Variants in RAD51B observed in about 807,000 individuals in gnomAD.
RAD51B encodes the protein RAD51 paralog B.
A neutral mutation model predicts 42.2 loss-of-function variants in RAD51B; 38 were observed. The ratio of observed to expected loss-of-function variants is 0.90; its 90% confidence interval spans 0.70 to 1.18. The LOEUF (loss-of-function observed/expected upper bound fraction) is 1.18, where lower values mean the gene tolerates loss of function less well. Among genes scored for constraint, RAD51B ranks in the 50% most tolerant of loss-of-function variants. The pLI, the probability that RAD51B is intolerant of heterozygous loss-of-function variation, is 0.00. For missense variants in RAD51B, 373 were observed against 400.7 expected (o/e 0.93, Z 0.59); for synonymous variants, 154 against 145.2 (o/e 1.06, Z -0.43).
intron 7 of RAD51B, among the ~76,000 whole-genome samples, chr14:68,025,167 G>C (rs1432348159): frequency 1.3e-5 from 2 of 151,914 alleles, no homozygotes; most frequent in Non-Finnish European, 2.9e-5. Context: ...CATATGTTGA[G>C]CTAGCCTTGC....
At chr14:68,446,427 C>G (rs897077666) in intron 9 of RAD51B, among the ~76,000 whole-genome samples, 1 of 152,166 alleles carries the variant, frequency 6.6e-6, no homozygotes, top group Non-Finnish European at 1.5e-5. Context: ...TGTAAGGAAA[C>G]ATGCCTCTTC....
rs1041373180 is a variant in RAD51B at position 68,306,042 on chromosome 14, G to T, written c.853+14062G>T. Reference sequence around the variant, plus strand: ...CTGGCTTTCTTGTGCTGATCATCTTGGTTCCCACATCCGTCCCTCCCCTCT... The same window carrying T: ...CTGGCTTTCTTGTGCTGATCATCTTTGTTCCCACATCCGTCCCTCCCCTCT... On this transcript the variant is annotated intron_variant, in intron 8 of 10. Coordinates refer to ENST00000471583, the MANE Select transcript of RAD51B (RefSeq NM_133510.4). Among the ~76,000 whole-genome samples, 5 of 152,128 alleles carry T rather than the reference G, an allele frequency of 3.3e-5. No homozygotes were observed. In the East Asian group the frequency reaches 9.6e-4, roughly 29 times the overall value.
intron 7 of RAD51B, among the ~76,000 whole-genome samples, chr14:67,910,193 A>G (rs2043922153): frequency 6.6e-6 from 1 of 152,162 alleles, no homozygotes; most frequent in South Asian, 2.1e-4. Flanking sequence ...ATACGAATAT[A>G]GCCAACATTA....
intron 10 of RAD51B, among the ~76,000 whole-genome samples, chr14:68,592,995 A>G (rs1242473620): frequency 6.6e-6 from 1 of 152,198 alleles, no homozygotes; most frequent in Non-Finnish European, 1.5e-5. Context: ...AGGGTATGCT[A>G]GAAAGTGGAA....
At chr14:68,048,851 T>C (rs2076345364) in intron 7 of RAD51B, among the ~76,000 whole-genome samples, 1 of 152,218 alleles carries the variant, frequency 6.6e-6, no homozygotes, top group African/African-American at 2.4e-5. Context: ...AGCCATCCCA[T>C]TACTGGGTAT....
intron 9 of RAD51B, among the ~76,000 whole-genome samples, chr14:68,413,650 A>G (rs1307680280): frequency 6.6e-6 from 1 of 152,224 alleles, no homozygotes; most frequent in Non-Finnish European, 1.5e-5. Context: ...GTCTCTGTCT[A>G]GTGACCTTAT....
chr14:68,420,612 T>C (rs1053434266), intron 9 of RAD51B, among the ~76,000 whole-genome samples: 1 of 152,208 alleles, frequency 6.6e-6, no homozygotes, highest in African/African-American at 2.4e-5. Flanking sequence ...TCTTTTAACA[T>C]GCTAATGCAT....
chr14:68,434,245 G>A (rs1482238129), intron 9 of RAD51B, among the ~76,000 whole-genome samples: 2 of 152,152 alleles, frequency 1.3e-5, no homozygotes, highest in African/African-American at 4.8e-5. Context: ...CTCTGTGCTG[G>A]GAGAACCACT....
At chr14:68,029,471 A>G (rs1443024218) in intron 7 of RAD51B, among the ~76,000 whole-genome samples, 2 of 152,214 alleles carry the variant, frequency 1.3e-5, no homozygotes, top group Non-Finnish European at 2.9e-5. Flanking sequence ...ATAGATCCAT[A>G]ACTCTTTTTG....
At chr14:68,181,216 T>C (rs2140883478) in intron 7 of RAD51B, among the ~76,000 whole-genome samples, 1 of 152,312 alleles carries the variant, frequency 6.6e-6, no homozygotes, top group African/African-American at 2.4e-5. Flanking sequence ...AGCAGTGGGA[T>C]TTATCCAGTG....
intron 10 of RAD51B, among the ~76,000 whole-genome samples, chr14:68,605,887 G>A (rs1037970681): frequency 5.3e-5 from 8 of 152,114 alleles, no homozygotes; most frequent in African/African-American, 1.2e-4. Context: ...AGTCTCATTC[G>A]CCCACTAGTC....
chr14:67,948,136 C>G (rs1013665556), intron 7 of RAD51B, among the ~76,000 whole-genome samples: 12 of 152,126 alleles, frequency 7.9e-5, no homozygotes, highest in African/African-American at 2.4e-4. Flanking sequence ...CTATTGCATA[C>G]TAGAGTCTGG....
At chr14:68,548,372 G>A (rs1437766519) in intron 10 of RAD51B, among the ~76,000 whole-genome samples, 2 of 152,194 alleles carry the variant, frequency 1.3e-5, no homozygotes, top group Non-Finnish European at 2.9e-5. Context: ...AGGCTCGTGC[G>A]TCACTGCTAT....
At chr14:67,883,146 A>C (rs958189826) in intron 5 of RAD51B, among the ~76,000 whole-genome samples, 1 of 151,954 alleles carries the variant, frequency 6.6e-6, no homozygotes, top group African/African-American at 2.4e-5. Flanking sequence ...CCAGCTCTTA[A>C]CTGGTCACTA....
chr14:68,394,245 C>A (rs1414959277), intron 8 of RAD51B, among the ~76,000 whole-genome samples: 1 of 152,356 alleles, frequency 6.6e-6, no homozygotes, highest in South Asian at 2.1e-4. Context: ...CCCCACCTTC[C>A]CAAGTTCTCA....
intron 5 of RAD51B, among the ~76,000 whole-genome samples, chr14:67,883,121 T>G (rs1024662919): frequency 6.6e-6 from 1 of 152,174 alleles, no homozygotes; most frequent in African/African-American, 2.4e-5. Flanking sequence ...GTTACTTCCC[T>G]GGGTGAGGTC....
At chr14:67,847,450 G>A (rs1003254766) in intron 4 of RAD51B, among the ~76,000 whole-genome samples, 10 of 149,366 alleles carry the variant, frequency 6.7e-5, no homozygotes, top group African/African-American at 2.5e-4. Flanking sequence ...TACTGCTTTA[G>A]CTGCCTCCCA....
intron 8 of RAD51B, among the ~76,000 whole-genome samples, chr14:68,336,769 G>A (rs868241895): frequency 3.9e-5 from 6 of 152,286 alleles, no homozygotes; most frequent in Middle Eastern, 3.4e-3. Flanking sequence ...TAATCCTGAT[G>A]TGGCTTTTAG....
chr14:68,068,698 T>G (rs2076693633), intron 7 of RAD51B, among the ~76,000 whole-genome samples: 1 of 152,188 alleles, frequency 6.6e-6, no homozygotes, highest in Non-Finnish European at 1.5e-5. Context: ...TTAAATTGGT[T>G]TCCAGAGTAG....
Sources: allele counts gnomAD v4.1 joint callset (sites outside exome capture counted in the v4.1 genomes callset), GRCh38; gene constraint gnomAD v4.1.1; transcripts MANE v1.5; gene names NCBI Gene and HGNC (gene_info 2026-07-23, HGNC 2026-07-21).